The following FUT9 variants were observed in gnomAD, a reference collection of about 807,000 sequenced individuals.
FUT9 encodes the protein 4-galactosyl-N-acetylglucosaminide 3-alpha-L-fucosyltransferase 9.
FUT9 carries 15 observed loss-of-function variants against 29.7 expected under a neutral mutation model. That is an observed-to-expected ratio of 0.51 (90% CI 0.34 to 0.78). The LOEUF (loss-of-function observed/expected upper bound fraction) is 0.78, where lower values mean the gene tolerates loss of function less well. FUT9 is among the 30% of genes least tolerant of loss of function. The pLI is 0.01. For missense variants in FUT9, 319 were observed against 425.4 expected (o/e 0.75, Z 2.20); for synonymous variants, 169 against 153.7 (o/e 1.10, Z -0.74).
chr6:96,118,219 A>G lies in FUT9; in HGVS notation c.-9+4092A>G, dbSNP rs866722456. On this transcript the variant is annotated intron_variant, in intron 2 of 2. Coordinates refer to ENST00000302103, the MANE Select transcript of FUT9 (RefSeq NM_006581.4). The stretch of plus-strand genomic sequence containing the variant: ...GAGTCTGTCTCAAAAAAAAAAAAAA[A>G]AAAAGTCCTACTGGACTGGGAAATC... Among the ~76,000 whole-genome samples, 139 of 151,262 alleles carry G rather than the reference A, an allele frequency of 9.2e-4. 1 individual carries two copies. The highest frequency in any genetic ancestry group is 1.1e-3 in the Admixed American group (17 of 15,184).
intron 1 of FUT9, among the ~76,000 whole-genome samples, chr6:96,031,467 A>G (rs998867690): frequency 6.6e-6 from 1 of 151,502 alleles, no homozygotes; most frequent in Non-Finnish European, 1.5e-5. Flanking sequence ...ACTAGTAAAC[A>G]TATACTGGGA....
At chr6:96,137,350 A>G (rs1325212933) in intron 2 of FUT9, among the ~76,000 whole-genome samples, 2 of 152,130 alleles carry the variant, frequency 1.3e-5, no homozygotes, top group Non-Finnish European at 2.9e-5. Context: ...GCATAGTTAT[A>G]TAAATAAATG....
intron 1 of FUT9, among the ~76,000 whole-genome samples, chr6:96,022,675 T>C (rs1770091076): frequency 6.6e-6 from 1 of 151,886 alleles, no homozygotes; most frequent in African/African-American, 2.4e-5. Context: ...CAAGCTGGAA[T>C]ATACTCTTTC....
rs4275065 is a variant in FUT9 at position 96,205,602 on chromosome 6, T to A, written c.*1367T>A. 3 of 166,862 alleles carry A rather than the reference T, an allele frequency of 1.8e-5. No individual in the cohort carries two copies. The highest frequency in any genetic ancestry group is 1.9e-4 in the East Asian group (1 of 5,172). 10.3% of individuals were successfully genotyped at this position (166,862 alleles called of 1,614,324 possible). A position where few individuals can be genotyped will look rare whatever the true frequency, so the allele number is the denominator to read the frequency against. On this transcript the variant is annotated 3_prime_UTR_variant, in exon 3 of 3. Coordinates refer to ENST00000302103, the MANE Select transcript of FUT9 (RefSeq NM_006581.4). ...CCTATAGCATTCTCCTCCATAAGGC[T>A]AGAGGAGAGCTGGATATAAGCAGAG...
intron 2 of FUT9, among the ~76,000 whole-genome samples, chr6:96,191,327 C>T (rs1333340578): frequency 6.6e-6 from 1 of 152,050 alleles, no homozygotes; most frequent in Non-Finnish European, 1.5e-5. Flanking sequence ...AATTGATAGA[C>T]CACTAGCAAG....
intron 2 of FUT9, among the ~76,000 whole-genome samples, chr6:96,141,899 T>C (rs951249687): frequency 1.1e-4 from 17 of 152,212 alleles, no homozygotes; most frequent in African/African-American, 3.9e-4. Context: ...TCTCTCTTCT[T>C]GTCTGCTGTG....
At position 96,035,874 on chromosome 6, in the gene FUT9, TAATA is replaced by T. The variant is rs1431011707; in HGVS notation, c.-98+19663_-98+19666del. 1.5e-3 allele frequency among the ~76,000 whole-genome samples: 158 copies of T among 102,692 alleles called. 1 individual carries two copies. The highest frequency in any genetic ancestry group is 4.8e-3 in the African/African-American group (155 of 32,000). The allele number at this position is 102,692 out of a possible 152,430, so 67.4% of individuals were successfully genotyped here. A position where few individuals can be genotyped will look rare whatever the true frequency, so the allele number is the denominator to read the frequency against. ...TTATGTTTATTATATTAATATAATA[TAATA>T]CATTATGTTTATTATATTAATATAA... On this transcript the variant is annotated intron_variant, in intron 1 of 2. Transcript: ENST00000302103.
intron 1 of FUT9, among the ~76,000 whole-genome samples, chr6:96,042,523 G>A (rs766485597): frequency 1.4e-4 from 22 of 152,052 alleles, no homozygotes; most frequent in African/African-American, 2.7e-4. Context: ...CTGTAAATTC[G>A]TTTATTATGC....
At chr6:96,140,975 A>G (rs1772450842) in intron 2 of FUT9, among the ~76,000 whole-genome samples, 1 of 152,246 alleles carries the variant, frequency 6.6e-6, no homozygotes, top group African/African-American at 2.4e-5. Context: ...ACTAGGTAAT[A>G]ATTAAAACAA....
chr6:96,018,075 G>T (rs1041375962), intron 1 of FUT9, among the ~76,000 whole-genome samples: 1 of 152,118 alleles, frequency 6.6e-6, no homozygotes, highest in Non-Finnish European at 1.5e-5. Flanking sequence ...GTGGATAGCC[G>T]CATTAAAAGT....
intron 1 of FUT9, among the ~76,000 whole-genome samples, chr6:96,067,771 G>A (rs985357807): frequency 3.3e-5 from 5 of 152,090 alleles, no homozygotes; most frequent in African/African-American, 4.8e-5. Flanking sequence ...AACTTCGTGT[G>A]GAGACTATAA....
At chr6:96,091,565 G>C (rs955895753) in intron 1 of FUT9, among the ~76,000 whole-genome samples, 1 of 152,072 alleles carries the variant, frequency 6.6e-6, no homozygotes, top group African/African-American at 2.4e-5. Flanking sequence ...ATTGCAGTCA[G>C]GTAGAGGAAT....
intron 1 of FUT9, among the ~76,000 whole-genome samples, chr6:96,113,342 G>T (rs963967671): frequency 1.3e-5 from 2 of 151,740 alleles, no homozygotes; most frequent in African/African-American, 4.8e-5. Context: ...AGGTTCAAGC[G>T]ATTCTCCTGC....
intron 1 of FUT9, among the ~76,000 whole-genome samples, chr6:96,076,929 T>C (rs893853946): frequency 6.6e-6 from 1 of 152,242 alleles, no homozygotes; most frequent in Non-Finnish European, 1.5e-5. Flanking sequence ...ATTAGTTCAC[T>C]GATGGCTCTC....
At chr6:96,097,738 G>A (rs1000516634) in intron 1 of FUT9, among the ~76,000 whole-genome samples, 2 of 151,852 alleles carry the variant, frequency 1.3e-5, no homozygotes, top group Non-Finnish European at 2.9e-5. Context: ...TAAAAAATAC[G>A]GCTCAAATTT....
chr6:96,016,307 G>A (rs983040986), intron 1 of FUT9, 95 bp downstream of exon 1: 2 of 152,454 alleles, frequency 1.3e-5, no homozygotes, highest in African/African-American at 4.8e-5. Context: ...CAGCTGCTGT[G>A]ATTCCCCGTC....
chr6:96,025,014 A>T (rs968025566), intron 1 of FUT9, among the ~76,000 whole-genome samples: 8 of 151,852 alleles, frequency 5.3e-5, no homozygotes, highest in Non-Finnish European at 8.8e-5. Flanking sequence ...TTTAGCTGTA[A>T]GTCAACACAG....
At chr6:96,195,211 G>T (rs928055127) in intron 2 of FUT9, among the ~76,000 whole-genome samples, 1 of 152,164 alleles carries the variant, frequency 6.6e-6, no homozygotes, top group South Asian at 2.1e-4. Flanking sequence ...ATTTTAAAAA[G>T]ACATGCATTG....
Position 96,203,972 on chromosome 6 carries a change from T to C in FUT9, c.817T>C (p.Ser273Pro), listed in dbSNP as rs766515554. The C allele has an allele frequency of 4.2e-5, 68 of 1,613,452 alleles. No individual in the cohort carries two copies. Among genetic ancestry groups the C allele is most frequent in the Non-Finnish European group, 5.5e-5 (65 of 1,179,828 alleles). The change falls in exon 3 of 3, where the codon TCT becomes CCT. Residue 273 changes from serine to proline, a missense_variant. Transcript: ENST00000302103. ...CTCTGTACCTGTTGTTCTGGGACCA[T>C]CTAGGGAAAACTATGAGAATTATAT... is the stretch of plus-strand genomic sequence containing the variant. The part of the protein sequence containing the change: ...AGSVPVVLGP[S>P]RENYENYIPA...
Sources: allele counts gnomAD v4.1 joint callset (sites outside exome capture counted in the v4.1 genomes callset), GRCh38; gene constraint gnomAD v4.1.1; transcripts MANE v1.5; gene names NCBI Gene and HGNC (gene_info 2026-07-23, HGNC 2026-07-21).